UNC79: variants seen among roughly 807,000 people sequenced by gnomAD.
UNC79 encodes unc-79 subunit of NALCN channel complex, also known as protein unc-79 homolog.
In UNC79, 37 loss-of-function variants were observed where a neutral mutation model predicts 283.1. The ratio of observed to expected loss-of-function variants is 0.13; its 90% CI spans 0.10 to 0.17. UNC79 has a LOEUF of 0.17. Ranked by LOEUF, UNC79 falls within the 10% of genes least tolerant of loss-of-function variation. UNC79 has a pLI of 1.00. For missense variants in UNC79, 2,272 were observed against 3,211.1 expected, an observed-to-expected ratio of 0.71 and a Z score of 7.07; for synonymous variants, 1,107 against 1,200.2, an observed-to-expected ratio of 0.92 and a Z score of 1.61.
chr14:93,485,616 C>T (rs1050304863), intron 4 of UNC79, among the ~76,000 whole-genome samples: 4 of 152,266 alleles, frequency 2.6e-5, no homozygotes, highest in Admixed American at 2.6e-4. Flanking sequence ...GAAAGTTCTT[C>T]TTTCTTGATT....
At chr14:93,707,645 TG>T (rs1486774066), downstream of UNC79, 1 of 152,262 alleles carries the variant, frequency 6.6e-6, no homozygotes, top group East Asian at 1.9e-4. Flanking sequence ...GCTTGCACAC[TG>T]GACCAGATGA....
chr14:93,381,295 C>T (rs74072852), intron 1 of UNC79, among the ~76,000 whole-genome samples: 5,337 of 152,238 alleles, frequency 0.035, 328 homozygotes, highest in African/African-American at 0.12. Flanking sequence ...TATCTGATGA[C>T]GGATGTTGGG....
intron 3 of UNC79, among the ~76,000 whole-genome samples, chr14:93,475,706 T>C (rs1157660113): frequency 6.6e-6 from 1 of 152,194 alleles, no homozygotes; most frequent in Non-Finnish European, 1.5e-5. Flanking sequence ...CACCTGGGAC[T>C]TGCCTGGTCC....
chr14:93,706,287 C>T lies in UNC79; in HGVS notation c.7591-417C>T, dbSNP rs570716537. ...CTTTACCCATGAGAAAACCCAAACA[C>T]GGACCAATAAACCTTGTTCCCAAAG... is the stretch of plus-strand genomic sequence containing the variant. On this transcript the variant is annotated intron_variant, in intron 48 of 48. Transcript: ENST00000555664. 8.5e-5 allele frequency among the ~76,000 whole-genome samples: 13 copies of T among 152,228 alleles called. No individual in the cohort carries two copies. The East Asian group carries it at 2.3e-3, about 27-fold the overall frequency.
At chr14:93,659,193 T>A (rs1325507066) in exon 39 of UNC79, 1 of 1,606,332 alleles carries the variant, frequency 6.2e-7, no homozygotes, top group Non-Finnish European at 8.5e-7. Context: ...TTATTCACAG[T>A]GTTCTTTAGA....
At chr14:93,399,614 G>A (rs1281016550) in intron 1 of UNC79, among the ~76,000 whole-genome samples, 1 of 152,062 alleles carries the variant, frequency 6.6e-6, no homozygotes, top group Non-Finnish European at 1.5e-5. Context: ...CTTTATATGT[G>A]GATTTCATTT....
intron 1 of UNC79, among the ~76,000 whole-genome samples, chr14:93,346,938 G>A (rs1382538000): frequency 6.6e-6 from 1 of 151,902 alleles, no homozygotes; most frequent in Non-Finnish European, 1.5e-5. Flanking sequence ...GGGCAGAGCA[G>A]GGGGTACTGA....
chr14:93,494,156 C>T (rs547069133), intron 5 of UNC79, among the ~76,000 whole-genome samples: 18 of 151,802 alleles, frequency 1.2e-4, no homozygotes, highest in African/African-American at 3.1e-4. Context: ...TTGATCCACC[C>T]GCCTCGGCCT....
At chr14:93,662,801 C>A in intron 40 of UNC79, 87 bp downstream of exon 43, 1 of 988,142 alleles carries the variant, frequency 1.0e-6, no homozygotes, top group Non-Finnish European at 1.5e-6. Flanking sequence ...TCCCTTTTAG[C>A]TCAGTTGCTT....
At chr14:93,424,562 C>A (rs2055681420) in intron 1 of UNC79, among the ~76,000 whole-genome samples, 1 of 152,134 alleles carries the variant, frequency 6.6e-6, no homozygotes. Context: ...TTTGCAATGA[C>A]ATGGATGGAA....
Position 93,410,899 on chromosome 14 carries a change from A to G in UNC79, c.-350-56772A>G, listed in dbSNP as rs189469058. Among the ~76,000 whole-genome samples, 7 of 152,070 alleles carry G rather than the reference A, an allele frequency of 4.6e-5. No homozygotes were observed. In the East Asian group the frequency reaches 9.7e-4, roughly 21 times the overall value. ...ATTCTTAGCTGTGGTGGCTATGGGG[A>G]GAGACTCCTTCTGCTTGAGGAAAGT... is the stretch of plus-strand genomic sequence containing the variant. On this transcript the variant is annotated intron_variant, in intron 1 of 49. Coordinates refer to the UNC79 transcript ENST00000256339.
intron 4 of UNC79, among the ~76,000 whole-genome samples, chr14:93,486,438 C>T (rs540677484): frequency 8.1e-4 from 123 of 151,872 alleles, no homozygotes; most frequent in African/African-American, 2.9e-3. Flanking sequence ...GGGTGGATCA[C>T]GAGGTCAGGA....
chr14:93,461,504 T>G (rs1013773745), intron 1 of UNC79, among the ~76,000 whole-genome samples: 1 of 152,210 alleles, frequency 6.6e-6, no homozygotes, highest in African/African-American at 2.4e-5. Flanking sequence ...CTTTTGTTTT[T>G]TTTTCTTCAT....
At chr14:93,687,154 C>T (rs1343503993) in intron 43 of UNC79, among the ~76,000 whole-genome samples, 2 of 152,168 alleles carry the variant, frequency 1.3e-5, no homozygotes, top group African/African-American at 4.8e-5. Context: ...AGGGTTTGAT[C>T]AAAAATAATG....
chr14:93,625,348 A>ATGG (rs2067485582), intron 30 of UNC79, among the ~76,000 whole-genome samples: 2 of 151,876 alleles, frequency 1.3e-5, no homozygotes, highest in African/African-American at 4.8e-5. Context: ...ATCATCACGA[A>ATGG]CCCTGGCTCT....
intron 14 of UNC79, among the ~76,000 whole-genome samples, chr14:93,557,805 G>C (rs139966123): frequency 7.0e-4 from 106 of 152,352 alleles, no homozygotes; most frequent in African/African-American, 2.4e-3. Context: ...TAGCCACAGA[G>C]CTACAGTATT....
At chr14:93,347,314 C>G (rs1262066604) in intron 1 of UNC79, 1 of 1,605,602 alleles carries the variant, frequency 6.2e-7, no homozygotes, top group Non-Finnish European at 8.5e-7. Context: ...CCACTACCGC[C>G]GCTTGGCCCT....
chr14:93,576,558 T>C (rs1052945831), intron 17 of UNC79, among the ~76,000 whole-genome samples: 4 of 152,210 alleles, frequency 2.6e-5, no homozygotes, highest in Non-Finnish European at 5.9e-5. Context: ...AGATTCTTCC[T>C]ATAGTATTAT....
intron 39 of UNC79, among the ~76,000 whole-genome samples, chr14:93,660,563 A>ATATGTGTGTGTGTGTG (rs1203621990): frequency 1.5e-5 from 1 of 64,776 alleles, no homozygotes; most frequent in African/African-American, 6.4e-5. Context: ...ATATATATAT[A>ATATGTGTGTGTGTGTG]TGTGTGTGTG....
Sources: gnomAD v4.1 joint callset for allele counts (sites outside exome capture counted in the v4.1 genomes callset) on GRCh38, gnomAD v4.1.1 for gene constraint, MANE v1.5 for transcripts, NCBI Gene and HGNC (gene_info 2026-07-23, HGNC 2026-07-21) for gene names.